EHMT1: variants seen among roughly 807,000 people sequenced by gnomAD.
EHMT1 encodes histone-lysine N-methyltransferase EHMT1.
In EHMT1, 15 loss-of-function variants were observed where a neutral mutation model predicts 147.2. The observed-to-expected ratio is 0.10, with a 90% CI of 0.07 to 0.16. The LOEUF is 0.16. Among genes scored for constraint, EHMT1 ranks in the 10% least tolerant of loss-of-function variants. EHMT1 has a pLI of 1.00. For synonymous variants in EHMT1, 795 were observed against 709.6 expected, an observed-to-expected ratio of 1.12 and a Z score of -1.91; for missense variants, 1,587 against 1,772.4, an observed-to-expected ratio of 0.90 and a Z score of 1.88.
At chr9:137,799,594 C>T (rs1266180564) in intron 17 of EHMT1, among the ~76,000 whole-genome samples, 5 of 152,114 alleles carry the variant, frequency 3.3e-5, no homozygotes, top group Non-Finnish European at 5.9e-5. Flanking sequence ...AGGCTGCTCA[C>T]CATGCACTGG....
In EHMT1 at chr9:137,778,038, C is replaced by G; in HGVS notation, c.2175C>G (p.Ile725Met). Residue 725 changes from isoleucine to methionine, a missense_variant, in exon 13 of 27, where the codon ATC becomes ATG. By Grantham distance (10) the Ile-to-Met change is conservative. This residue lies in a region of EHMT1 where 201 missense variants were observed against 350.1 expected (regional missense o/e 0.57). Transcript: ENST00000460843. ...PGKETLESAL[I>M]ALDSEKPKKL... is the part of the protein sequence containing the mutation. ...AGGAAACCTTGGAGAGCGCTCTCAT[C>G]GCCCTCGACTCGGAAAAGTAAGACC... 1 of 1,613,874 alleles carries G rather than the reference C, an allele frequency of 6.2e-7. No homozygotes were observed. Among genetic ancestry groups the G allele is most frequent in the African/African-American group, 1.3e-5 (1 of 75,016 alleles).
intron 25 of EHMT1, among the ~76,000 whole-genome samples, chr9:137,829,493 G>A (rs560025594): frequency 1.2e-4 from 19 of 152,330 alleles, no homozygotes; most frequent in African/African-American, 3.4e-4. Flanking sequence ...CCCCAGTGAC[G>A]TCAGAGTGTG....
intron 25 of EHMT1, chr9:137,834,102 C>A (rs774771927): frequency 5.1e-6 from 3 of 588,994 alleles, no homozygotes; most frequent in Non-Finnish European, 9.0e-6. Context: ...CGGCCCGCAC[C>A]ACCCCCACCC....
chr9:137,710,184 A>G (rs774212072), intron 1 of EHMT1, among the ~76,000 whole-genome samples: 109 of 152,072 alleles, frequency 7.2e-4, no homozygotes, highest in Non-Finnish European at 1.2e-3. Flanking sequence ...ATTCTGTCCA[A>G]GTGCCACCCA....
chr9:137,824,581 G>T (rs757126270), intron 25 of EHMT1, among the ~76,000 whole-genome samples: 2 of 152,090 alleles, frequency 1.3e-5, no homozygotes, highest in Non-Finnish European at 2.9e-5. Flanking sequence ...CACTAAATCT[G>T]CTGGCCATTA....
chr9:137,811,161 A>G (rs1186142028), intron 18 of EHMT1, among the ~76,000 whole-genome samples: 2 of 152,184 alleles, frequency 1.3e-5, no homozygotes, highest in African/African-American at 2.4e-5. Context: ...GTAGGTTGAT[A>G]TAATTCTGGA....
chr9:137,649,804 C>T (rs559164508), intron 1 of EHMT1, among the ~76,000 whole-genome samples: 3 of 152,182 alleles, frequency 2.0e-5, no homozygotes, highest in South Asian at 4.2e-4. Context: ...TGCCAGCAGC[C>T]GGATTTCACA....
intron 3 of EHMT1, among the ~76,000 whole-genome samples, chr9:137,724,673 G>C (rs1946412858): frequency 6.6e-6 from 1 of 152,226 alleles, no homozygotes; most frequent in African/African-American, 2.4e-5. Context: ...CTGAAGGGGA[G>C]AGCCACGTGA....
At chr9:137,710,424 G>A (rs540493485) in intron 1 of EHMT1, among the ~76,000 whole-genome samples, 23 of 152,318 alleles carry the variant, frequency 1.5e-4, no homozygotes, top group Admixed American at 1.2e-3. Flanking sequence ...AGTGAGCCGA[G>A]ATCGCGCCAC....
At chr9:137,722,113 A>G (rs1946118775) in intron 3 of EHMT1, among the ~76,000 whole-genome samples, 1 of 152,076 alleles carries the variant, frequency 6.6e-6, no homozygotes, top group African/African-American at 2.4e-5. Context: ...TCACAGTTTT[A>G]AAACTCACGT....
intron 1 of EHMT1, among the ~76,000 whole-genome samples, chr9:137,623,256 T>TG (rs1375217030): frequency 2.6e-5 from 4 of 151,776 alleles, no homozygotes; most frequent in Non-Finnish European, 5.9e-5. Context: ...TCCCTCTGCC[T>TG]GGTACACAGC....
chr9:137,776,469 C>G lies in EHMT1; in HGVS notation c.1792-149C>G, dbSNP rs1182517229. 8.5e-6 allele frequency: 6 copies of G among 709,984 alleles called. No homozygotes were observed. Among genetic ancestry groups the G allele is most frequent in the Non-Finnish European group, 1.5e-5 (6 of 412,342 alleles). 44.0% of individuals were successfully genotyped at this position (709,984 alleles called of 1,614,324 possible). ...GCATCGTTCCTCCTTCTTAACGATG[C>G]CTGGGGCCAAGACTGGACCCCACCC... On this transcript the variant is annotated intron_variant, in intron 11 of 26. Transcript: ENST00000460843. This position sits in a 1 kb window ranked among gnomAD's most constrained non-coding sequence, Gnocchi z 4.4.
At chr9:137,717,641 G>T (rs1307121197) in intron 3 of EHMT1, among the ~76,000 whole-genome samples, 1 of 148,716 alleles carries the variant, frequency 6.7e-6, no homozygotes, top group African/African-American at 2.5e-5. Context: ...TGCTGCTAAT[G>T]CCTTGTGCGT....
At chr9:137,774,193 C>T (rs191077990) in intron 10 of EHMT1, among the ~76,000 whole-genome samples, 2 of 152,388 alleles carry the variant, frequency 1.3e-5, no homozygotes, top group East Asian at 3.9e-4. Flanking sequence ...GGTATACGTT[C>T]ATGTTTCCTG....
rs536765519 is a variant in EHMT1, at chr9:137,697,895, T to C, written c.22-13072T>C. On this transcript the variant is annotated intron_variant, in intron 1 of 26. Transcript: ENST00000460843. ...TTTGACTTTTTGAGTAAAATGTGAT[T>C]GCATATTCTGGTCCAAAGGGAGGAT... Among the ~76,000 whole-genome samples the C allele has an allele frequency of 7.9e-5, 12 of 152,332 alleles. No homozygotes were observed. The East Asian group carries it at 2.3e-3, about 29-fold the overall frequency.
At chr9:137,715,509 G>T in intron 2 of EHMT1, 1 of 981,688 alleles carries the variant, frequency 1.0e-6, no homozygotes, top group Non-Finnish European at 1.2e-6. Context: ...TGCTCGAGGT[G>T]ATAAGCACCA....
At chr9:137,679,117 A>G (rs1941687847) in intron 1 of EHMT1, among the ~76,000 whole-genome samples, 1 of 151,822 alleles carries the variant, frequency 6.6e-6, no homozygotes, top group Non-Finnish European at 1.5e-5. Context: ...TGCCCAGCTA[A>G]TTTTTGTACT....
At chr9:137,822,363 T>C (rs546883870) in intron 25 of EHMT1, among the ~76,000 whole-genome samples, 3 of 152,306 alleles carry the variant, frequency 2.0e-5, no homozygotes, top group African/African-American at 7.2e-5. Flanking sequence ...TTAATGGACA[T>C]GAATTTTTAT....
chr9:137,704,870 C>G (rs1283242718), intron 1 of EHMT1, among the ~76,000 whole-genome samples: 1 of 139,014 alleles, frequency 7.2e-6, no homozygotes, highest in East Asian at 2.2e-4. Flanking sequence ...CTTTGTTCCT[C>G]TCTTTCCCTC....
Sources: allele counts gnomAD v4.1 joint callset (sites outside exome capture counted in the v4.1 genomes callset), GRCh38; gene constraint gnomAD v4.1.1; regional missense constraint gnomAD v4.1.1; non-coding constraint Gnocchi (gnomAD v3.1); transcripts MANE v1.5; gene names NCBI Gene and HGNC (gene_info 2026-07-23, HGNC 2026-07-21).